EPG5: variants seen among roughly 807,000 people sequenced by gnomAD.
EPG5 encodes ectopic P-granules 5 autophagy tethering factor.
Under a neutral mutation model 302.7 loss-of-function variants are expected in EPG5, and 159 were observed. The observed-to-expected ratio is 0.53, with a 90% CI of 0.46 to 0.60. EPG5 has a LOEUF of 0.60. Ranked by LOEUF, EPG5 falls within the 20% of genes least tolerant of loss-of-function variation. The probability of loss-of-function intolerance (pLI) is 0.00; values close to 1 mark genes in which losing one functional copy is unlikely to be tolerated. For synonymous variants in EPG5, 1,158 were observed against 1,136.8 expected (o/e 1.02, Z -0.37); for missense variants, 2,896 against 3,092.4 (o/e 0.94, Z 1.51).
At chr18:45,915,758 G>T in intron 19 of EPG5, 137 bp from the exon 20 acceptor site, 1 of 752,438 alleles carries the variant, frequency 1.3e-6, no homozygotes, top group Non-Finnish European at 2.2e-6. Context: ...GAGTCCACCA[G>T]CAGCAATAGT....
chr18:45,873,241 G>A (rs1403073877), intron 35 of EPG5, among the ~76,000 whole-genome samples: 1 of 152,228 alleles, frequency 6.6e-6, no homozygotes, highest in Non-Finnish European at 1.5e-5. Flanking sequence ...GCTGGGCATG[G>A]TGGCTCATGC....
chr18:45,829,222 C>A, the EPG5 span: 1 of 916,644 alleles, frequency 1.1e-6, no homozygotes, highest in Non-Finnish European at 1.3e-6. Context: ...CAGCCTGCGG[C>A]AGAGGCATGG....
At chr18:45,920,575 G>A (rs553360183) in intron 16 of EPG5, among the ~76,000 whole-genome samples, 38 of 152,342 alleles carry the variant, frequency 2.5e-4, no homozygotes, top group African/African-American at 7.0e-4. Flanking sequence ...GAAGGCCAAC[G>A]GGAGCTGGCA....
rs746594600 is a variant in EPG5 at position 45,954,457 on chromosome 18, T to C, written c.945A>G (p.Thr315=). 1.1e-5 allele frequency: 17 copies of C among 1,614,104 alleles called. No homozygotes were observed. The East Asian group carries it at 2.0e-4, about 19-fold the overall frequency. The stretch of plus-strand genomic sequence containing the variant: ...GACTTTTAGCATTTTGGCAATCAGA[T>C]GTCAGAGTAAGCAGCTCAGCTTCAG... ...LLAEAELLTL[T]SDCQNAKSRL... is the part of the protein sequence containing the mutation. The change falls in exon 2 of 44, where the codon ACA becomes ACG. Residue 315 remains threonine, a synonymous_variant. Coordinates refer to ENST00000282041, the MANE Select transcript of EPG5 (RefSeq NM_020964.3).
chr18:45,827,791 T>C, the EPG5 span, among the ~76,000 whole-genome samples: 2 of 152,286 alleles, frequency 1.3e-5, no homozygotes, highest in South Asian at 4.1e-4. Flanking sequence ...ATTTTAGGTT[T>C]AGGGTGATTT....
At chr18:45,865,808 G>A in intron 38 of EPG5, 49 bp from the exon 39 acceptor site, 1 of 1,574,018 alleles carries the variant, frequency 6.4e-7, no homozygotes, top group Non-Finnish European at 8.6e-7. Context: ...CAAGCAAGGA[G>A]TGTTAACTGC....
At chr18:45,899,316 T>C in intron 27 of EPG5, 88 bp downstream of exon 27, 1 of 1,461,870 alleles carries the variant, frequency 6.8e-7, no homozygotes. Flanking sequence ...CAGTGTGCTA[T>C]ATATGTCTTT....
the EPG5 span, among the ~76,000 whole-genome samples, chr18:45,836,017 G>A: frequency 3.9e-5 from 6 of 152,194 alleles, no homozygotes; most frequent in East Asian, 5.8e-4. Flanking sequence ...TCCTGTGGGC[G>A]GCCGGAGATT....
intron 16 of EPG5, among the ~76,000 whole-genome samples, chr18:45,919,897 C>A (rs567315707): frequency 4.6e-5 from 7 of 152,296 alleles, no homozygotes; most frequent in African/African-American, 1.7e-4. Flanking sequence ...ACCTGAAGTA[C>A]AGGAAGCCGT....
intron 9 of EPG5, among the ~76,000 whole-genome samples, chr18:45,940,608 T>C (rs540649386): frequency 1.3e-5 from 2 of 152,324 alleles, no homozygotes; most frequent in Admixed American, 6.5e-5. Flanking sequence ...TCTTTCACAC[T>C]AGTATCCCTG....
chr18:45,845,185 G>A (rs1019752554), downstream of EPG5, among the ~76,000 whole-genome samples: 4 of 152,228 alleles, frequency 2.6e-5, no homozygotes, highest in South Asian at 2.1e-4. Context: ...TAATCAGCTG[G>A]TGCTAGCTGA....
At chr18:45,919,239 A>C (rs1398333094) in intron 16 of EPG5, among the ~76,000 whole-genome samples, 1 of 152,136 alleles carries the variant, frequency 6.6e-6, no homozygotes, top group Non-Finnish European at 1.5e-5. Flanking sequence ...TCTATATTCC[A>C]GTACACCTAA....
Position 45,901,454 on chromosome 18 carries a change from T to C in EPG5, c.4475-287A>G, listed in dbSNP as rs1325991712. Among the ~76,000 whole-genome samples the C allele has an allele frequency of 2.0e-5, 3 of 152,162 alleles. 1 individual carries two copies. Among genetic ancestry groups the C allele is most frequent in the African/African-American group, 7.2e-5 (3 of 41,434 alleles). On this transcript the variant is annotated intron_variant, in intron 25 of 43. Transcript: ENST00000282041. ...GCAAGCTTGAATCAGATGGTAGCTA[T>C]CATCTGAATAATGGTTTAGGTAAAT... is the stretch of plus-strand genomic sequence containing the variant.
intron 11 of EPG5, among the ~76,000 whole-genome samples, chr18:45,932,746 G>C (rs1469560615): frequency 6.6e-6 from 1 of 152,154 alleles, no homozygotes; most frequent in Non-Finnish European, 1.5e-5. Flanking sequence ...ATAGTAGGCA[G>C]ATGAAACTTC....
rs1246377239 is a variant in EPG5, at chr18:45,890,610, A to G, written c.4810-670T>C. Among the ~76,000 whole-genome samples the G allele has an allele frequency of 2.6e-5, 4 of 152,188 alleles. No homozygotes were observed. In the East Asian group the frequency reaches 7.7e-4, roughly 29 times the overall value. On this transcript the variant is annotated intron_variant, in intron 27 of 43. Transcript: ENST00000282041. ...AAAAACTAAATTTTTTTCAACTCAA[A>G]AGATTATCCTTTTTTAAGATTAGCC...
intron 1 of EPG5, among the ~76,000 whole-genome samples, chr18:45,966,003 A>G (rs533723609): frequency 6.6e-6 from 1 of 151,734 alleles, no homozygotes; most frequent in East Asian, 1.9e-4. Flanking sequence ...CGGTGAGCCG[A>G]GATTGCACTC....
In EPG5 at chr18:45,954,632, T is replaced by G; in HGVS notation, c.770A>C (p.Lys257Thr). 1 of 1,614,274 alleles carries G rather than the reference T, an allele frequency of 6.2e-7. No homozygotes were observed. The highest frequency in any genetic ancestry group is 1.1e-5 in the South Asian group (1 of 91,088). The change falls in exon 2 of 44, where the codon AAA (lysine) becomes ACA (threonine). Residue 257 changes from lysine to threonine, a missense_variant. By Grantham distance (78) the Lys-to-Thr change is moderately conservative (BLOSUM62 -1). Transcript: ENST00000282041. The stretch of plus-strand genomic sequence containing the variant: ...AGGCTCCAAGATTTTTAGCTGTTCT[T>G]TAGTAAATGGTACTAGTTCCAGTTG... ...PSQLELVPFT[K>T]EQLKILEPGS...
intron 41 of EPG5, 74 bp downstream of exon 41, chr18:45,858,492 G>T: frequency 8.6e-7 from 1 of 1,161,354 alleles, no homozygotes; most frequent in Non-Finnish European, 1.3e-6. Context: ...TGTACTTAAA[G>T]CTAGACTTAA....
the EPG5 span, among the ~76,000 whole-genome samples, chr18:45,814,403 T>G: frequency 6.6e-6 from 1 of 152,220 alleles, no homozygotes; most frequent in Admixed American, 6.5e-5. Context: ...AAATGCAACA[T>G]GGGATCAATT....
Sources: gnomAD v4.1 joint callset for allele counts (sites outside exome capture counted in the v4.1 genomes callset) on GRCh38, gnomAD v4.1.1 for gene constraint, MANE v1.5 for transcripts, NCBI Gene and HGNC (gene_info 2026-07-23, HGNC 2026-07-21) for gene names.